The following ARHGEF28 variants were observed in gnomAD, a reference collection of about 807,000 sequenced individuals.
The protein encoded by ARHGEF28 is 190 kDa guanine nucleotide exchange factor.
ARHGEF28 carries 152 observed loss-of-function variants against 206.6 expected under a neutral mutation model. That is an observed-to-expected ratio of 0.74 (90% confidence interval 0.64 to 0.84). ARHGEF28 has a LOEUF of 0.84. Among genes scored for constraint, ARHGEF28 ranks in the 40% least tolerant of loss-of-function variants. The pLI, the probability that ARHGEF28 is intolerant of heterozygous loss-of-function variation, is 0.00. For missense variants in ARHGEF28, 2,028 were observed against 2,073.2 expected (o/e 0.98, Z 0.42); for synonymous variants, 763 against 776.4 (o/e 0.98, Z 0.29).
At chr5:73,818,462 G>A (rs1034094498) in intron 9 of ARHGEF28, among the ~76,000 whole-genome samples, 14 of 152,122 alleles carry the variant, frequency 9.2e-5, no homozygotes, top group Admixed American at 6.5e-4. Context: ...TGAGTATTCA[G>A]TCTAAAAACT....
At chr5:73,915,401 G>A (rs1292797419) in intron 35 of ARHGEF28, among the ~76,000 whole-genome samples, 1 of 152,006 alleles carries the variant, frequency 6.6e-6, no homozygotes, top group Non-Finnish European at 1.5e-5. Context: ...TTACTTTCCA[G>A]TTTTGGAAGT....
At chr5:73,843,560 G>T (rs1758121080) in intron 11 of ARHGEF28, among the ~76,000 whole-genome samples, 1 of 152,136 alleles carries the variant, frequency 6.6e-6, no homozygotes, top group African/African-American at 2.4e-5. Flanking sequence ...AGCCCTAGAG[G>T]CTGGAAACCT....
At chr5:73,767,586 C>T (rs541297803) in intron 4 of ARHGEF28, among the ~76,000 whole-genome samples, 4 of 152,232 alleles carry the variant, frequency 2.6e-5, no homozygotes, top group Admixed American at 2.0e-4. Flanking sequence ...TGATTTAGGG[C>T]ATCTGGCGGA....
At chr5:73,841,444 G>C (rs1030734766) in intron 11 of ARHGEF28, among the ~76,000 whole-genome samples, 1 of 152,066 alleles carries the variant, frequency 6.6e-6, no homozygotes, top group Admixed American at 6.5e-5. Context: ...GGTGGCTCAC[G>C]CCTGTAATTC....
At chr5:73,797,686 T>C (rs183453596) in intron 9 of ARHGEF28, among the ~76,000 whole-genome samples, 4 of 152,286 alleles carry the variant, frequency 2.6e-5, no homozygotes, top group Admixed American at 6.5e-5. Flanking sequence ...ATCTGGCCTC[T>C]TTTGTTATTT....
At chr5:73,660,584 A>G (rs1347785469) in intron 1 of ARHGEF28, among the ~76,000 whole-genome samples, 3 of 152,170 alleles carry the variant, frequency 2.0e-5, no homozygotes, top group Non-Finnish European at 4.4e-5. Flanking sequence ...ATTTATGGCA[A>G]CTGTACTTAC....
intron 2 of ARHGEF28, among the ~76,000 whole-genome samples, chr5:73,739,828 A>AAAATAAATAAAT (rs571150752): frequency 5.0e-4 from 70 of 140,244 alleles, no homozygotes; most frequent in Non-Finnish European, 7.3e-4. Flanking sequence ...AATAATAATA[A>AAAATAAATAAAT]AAATAAATAA....
intron 1 of ARHGEF28, among the ~76,000 whole-genome samples, chr5:73,676,515 A>G (rs1319935664): frequency 6.6e-6 from 1 of 152,196 alleles, no homozygotes; most frequent in Non-Finnish European, 1.5e-5. Context: ...CTGGGATTAC[A>G]GGCATGAACC....
At chr5:73,647,264 G>T (rs1397575209) in intron 1 of ARHGEF28, among the ~76,000 whole-genome samples, 4 of 152,242 alleles carry the variant, frequency 2.6e-5, no homozygotes, top group East Asian at 3.9e-4. Context: ...TAAGACATAT[G>T]TGAAATGTAA....
intron 2 of ARHGEF28, among the ~76,000 whole-genome samples, chr5:73,738,091 T>C (rs1751122237): frequency 6.6e-6 from 1 of 152,162 alleles, no homozygotes; most frequent in Non-Finnish European, 1.5e-5. Context: ...GGGTGGGTGC[T>C]GAGGAACTTT....
intron 2 of ARHGEF28, among the ~76,000 whole-genome samples, chr5:73,743,680 G>A (rs1751563445): frequency 6.6e-6 from 1 of 152,110 alleles, no homozygotes; most frequent in Admixed American, 6.5e-5. Context: ...GGGTTCTTCA[G>A]TTTTTTGATT....
chr5:73,807,477 C>T (rs1199988180), intron 9 of ARHGEF28, among the ~76,000 whole-genome samples: 1 of 150,130 alleles, frequency 6.7e-6, no homozygotes, highest in Non-Finnish European at 1.5e-5. Context: ...GAAGCTTTGA[C>T]AATGTAATTC....
chr5:73,762,455 C>CAAAAAAA (rs35028103), intron 4 of ARHGEF28, among the ~76,000 whole-genome samples: 3 of 66,854 alleles, frequency 4.5e-5, no homozygotes, highest in Non-Finnish European at 1.0e-4. Flanking sequence ...GACTCCCTCT[C>CAAAAAAA]AAAAAAAAAA....
intron 1 of ARHGEF28, among the ~76,000 whole-genome samples, chr5:73,670,634 C>T (rs1468510071): frequency 2.0e-5 from 3 of 152,170 alleles, no homozygotes; most frequent in African/African-American, 7.2e-5. Context: ...ACCAGTTTTT[C>T]CATATCTGCT....
intron 7 of ARHGEF28, among the ~76,000 whole-genome samples, chr5:73,787,850 T>A (rs1402233165): frequency 2.0e-5 from 3 of 152,172 alleles, no homozygotes; most frequent in Non-Finnish European, 2.9e-5. Flanking sequence ...ATGATATGGA[T>A]AGGATATCAT....
intron 1 of ARHGEF28, among the ~76,000 whole-genome samples, chr5:73,638,692 T>G (rs1247617107): frequency 1.3e-5 from 2 of 152,196 alleles, no homozygotes; most frequent in Non-Finnish European, 2.9e-5. Flanking sequence ...TACCTAAAAT[T>G]AAAAAACATA....
At chr5:73,684,913 C>G (rs768574944) in intron 2 of ARHGEF28, 29 bp downstream of exon 2, 1 of 1,609,248 alleles carries the variant, frequency 6.2e-7, no homozygotes, top group East Asian at 2.2e-5. Flanking sequence ...GGCTTCAGGT[C>G]CAAGGGGCCC....
chr5:73,858,349 A>C (rs573447341), intron 16 of ARHGEF28, 130 bp downstream of exon 16: 3 of 1,206,102 alleles, frequency 2.5e-6, no homozygotes, highest in South Asian at 1.9e-5. Context: ...CCGTTTACCA[A>C]GCAAGGACTG....
In ARHGEF28 at chr5:73,873,105, T is replaced by C; in HGVS notation, c.2673T>C (p.Asp891=). The change falls in exon 22 of 36, where the codon GAT becomes GAC. Residue 891 remains aspartate, a synonymous_variant. Transcript: ENST00000513042. ...EELQLDHSTV[D]KIFPCLDELL... ...TGCAGCTGGACCACAGCACCGTGGA[T>C]AAAATTTTCCCCTGTTTAGATGAGT... 2 of 1,613,236 alleles carry C rather than the reference T, an allele frequency of 1.2e-6. No homozygotes were observed. The highest frequency in any genetic ancestry group is 8.5e-7 in the Non-Finnish European group (1 of 1,179,566).
Sources: allele counts gnomAD v4.1 joint callset (sites outside exome capture counted in the v4.1 genomes callset), GRCh38; gene constraint gnomAD v4.1.1; transcripts MANE v1.5; gene names NCBI Gene and HGNC (gene_info 2026-07-23, HGNC 2026-07-21).